Variants in THADA observed in about 807,000 individuals in gnomAD.
THADA encodes the protein tRNA (32-2'-O)-methyltransferase regulator THADA.
A neutral mutation model predicts 219.8 loss-of-function variants in THADA; 213 were observed. That is an observed-to-expected ratio of 0.97 (90% confidence interval 0.87 to 1.09). THADA has a LOEUF of 1.09. Among genes scored for constraint, THADA ranks in the 50% least tolerant of loss-of-function variants. THADA has a pLI of 0.00. For missense variants in THADA, 2,956 were observed against 2,311.3 expected, an observed-to-expected ratio of 1.28 and a Z score of -5.72; for synonymous variants, 1,018 against 828.9, an observed-to-expected ratio of 1.23 and a Z score of -3.92.
chr2:43,507,107 C>T (rs547625580), intron 23 of THADA, among the ~76,000 whole-genome samples: 54 of 152,202 alleles, frequency 3.5e-4, no homozygotes, highest in Admixed American at 9.2e-4. Context: ...AGGAATATAA[C>T]TTTATTAGTA....
At chr2:43,312,236 T>C (rs1301758904) in intron 31 of THADA, among the ~76,000 whole-genome samples, 1 of 150,246 alleles carries the variant, frequency 6.7e-6, no homozygotes, top group Non-Finnish European at 1.5e-5. Flanking sequence ...AAATCACAGA[T>C]GTTCTGAGAC....
intron 29 of THADA, among the ~76,000 whole-genome samples, chr2:43,393,120 A>T (rs1331538927): frequency 6.6e-6 from 1 of 152,160 alleles, no homozygotes; most frequent in East Asian, 1.9e-4. Context: ...TAAATGGAAG[A>T]CCAAAGAGAA....
chr2:43,436,739 G>A (rs1680167010), intron 26 of THADA, among the ~76,000 whole-genome samples: 1 of 152,204 alleles, frequency 6.6e-6, no homozygotes, highest in South Asian at 2.1e-4. Context: ...TTTACCAGCT[G>A]ATTGTTCAAT....
At chr2:43,561,443 T>G (rs2103944000) in intron 15 of THADA, among the ~76,000 whole-genome samples, 1 of 152,350 alleles carries the variant, frequency 6.6e-6, no homozygotes, top group South Asian at 2.1e-4. Context: ...TGGTAATCAC[T>G]GACTCCACTT....
chr2:43,296,690 T>C (rs970473936), intron 31 of THADA, among the ~76,000 whole-genome samples: 1 of 152,188 alleles, frequency 6.6e-6, no homozygotes, highest in African/African-American at 2.4e-5. Flanking sequence ...CTAATAATAA[T>C]AAGAGCACAG....
At chr2:43,552,075 T>A in intron 18 of THADA, 129 bp downstream of exon 18, 1 of 1,519,892 alleles carries the variant, frequency 6.6e-7, no homozygotes, top group Non-Finnish European at 8.8e-7. Context: ...ACGTATGTTT[T>A]TAAATCTGAT....
chr2:43,553,473 C>T (rs909360599), intron 17 of THADA, among the ~76,000 whole-genome samples: 4 of 152,206 alleles, frequency 2.6e-5, no homozygotes, highest in Non-Finnish European at 5.9e-5. Context: ...TGTGAGCACA[C>T]AGCAACATGG....
rs113474710 is a variant in THADA at position 43,485,864 on chromosome 2, CA to C, written c.3745-540del. 4.0e-3 allele frequency among the ~76,000 whole-genome samples: 538 copies of C among 134,160 alleles called. 2 individuals carry two copies. The highest frequency in any genetic ancestry group is 0.011 in the South Asian group (48 of 4,210). The allele number at this position is 134,160 out of a possible 152,430, so 88.0% of individuals were successfully genotyped here. A position where few individuals can be genotyped will look rare whatever the true frequency, so the allele number is the denominator to read the frequency against. On this transcript the variant is annotated intron_variant, in intron 25 of 37. Coordinates refer to ENST00000405975, the MANE Select transcript of THADA (RefSeq NM_022065.5). Reference sequence around the variant, plus strand: ...GGGCAATACAGTAAGACCCCCATCTCAAAAAAAAAAAAAAGTATTTTTTTAG... The same window carrying C: ...GGGCAATACAGTAAGACCCCCATCTCAAAAAAAAAAAAAGTATTTTTTTAG...
At chr2:43,577,381 A>C in intron 9 of THADA, 139 bp from the exon 10 acceptor site, 2 of 682,584 alleles carry the variant, frequency 2.9e-6, no homozygotes, top group Non-Finnish European at 4.9e-6. Flanking sequence ...ATACCCACAA[A>C]TGTCATGATT....
In THADA at chr2:43,586,397, T is replaced by A; in HGVS notation, c.533+4A>T. On this transcript the variant is annotated splice_donor_region_variant and intron_variant, in intron 7 of 37. Transcript: ENST00000405975. ...ACACACAAATGCCAACATATAGCAC[T>A]TGCCTATTTTCTTCCAGGATTTCAA... The A allele has an allele frequency of 6.3e-7, 1 of 1,582,694 alleles. No homozygotes were observed. The highest frequency in any genetic ancestry group is 1.8e-5 in the Admixed American group (1 of 54,618).
chr2:43,319,662 G>A (rs976519007), intron 31 of THADA, among the ~76,000 whole-genome samples: 3 of 152,120 alleles, frequency 2.0e-5, no homozygotes, highest in African/African-American at 7.2e-5. Context: ...GGAAAGGCCT[G>A]GTCTGCTTGC....
Position 43,440,863 on chromosome 2 carries a change from G to A in THADA, c.3837-10561C>T, listed in dbSNP as rs185730087. ...ACCACTCTGAGAAAAGGGCAGTGGA[G>A]CTACTATTCTAGGATTAAAGTCATT... is the stretch of plus-strand genomic sequence containing the variant. On this transcript the variant is annotated intron_variant, in intron 26 of 37. Coordinates refer to ENST00000405975, the MANE Select transcript of THADA (RefSeq NM_022065.5). Among the ~76,000 whole-genome samples, 633 of 152,304 alleles carry A rather than the reference G, an allele frequency of 4.2e-3. 6 individuals carry two copies. The highest frequency in any genetic ancestry group is 6.7e-3 in the Non-Finnish European group (455 of 68,020).
chr2:43,521,803 A>G (rs941392751), intron 22 of THADA, among the ~76,000 whole-genome samples: 5 of 152,248 alleles, frequency 3.3e-5, no homozygotes, highest in African/African-American at 7.2e-5. Context: ...GCAGACTAAA[A>G]TCAAATTACA....
Position 43,590,964 on chromosome 2 carries a change from A to C in THADA, c.172-10T>G, listed in dbSNP as rs1284169855. On this transcript the variant is annotated splice_polypyrimidine_tract_variant and intron_variant, in intron 3 of 37. Coordinates refer to ENST00000405975, the MANE Select transcript of THADA (RefSeq NM_022065.5). ...CCAGCAGAGGCACAATCTATAATAC[A>C]AAACATTGAAGTAATTTTTATAATA... is the stretch of plus-strand genomic sequence containing the variant. 3.7e-6 allele frequency: 6 copies of C among 1,603,978 alleles called. No individual in the cohort carries two copies. Among genetic ancestry groups the C allele is most frequent in the Non-Finnish European group, 4.3e-6 (5 of 1,176,090 alleles).
At chr2:43,521,200 G>A (rs1172993892) in intron 22 of THADA, among the ~76,000 whole-genome samples, 2 of 151,710 alleles carry the variant, frequency 1.3e-5, no homozygotes, top group African/African-American at 4.8e-5. Flanking sequence ...AGGAAAGAGG[G>A]AAGGAAAGAG....
intron 31 of THADA, among the ~76,000 whole-genome samples, chr2:43,319,440 CCT>C (rs2104459104): frequency 6.6e-6 from 1 of 152,264 alleles, no homozygotes. Context: ...GTTCTTATTA[CCT>C]CTGCATGGCC....
At chr2:43,496,336 T>A (rs148815408) in intron 25 of THADA, among the ~76,000 whole-genome samples, 4 of 152,326 alleles carry the variant, frequency 2.6e-5, no homozygotes, top group African/African-American at 9.6e-5. Context: ...AATCCAACAA[T>A]TGTACTGGGT....
intron 17 of THADA, among the ~76,000 whole-genome samples, chr2:43,553,737 A>T (rs1009724721): frequency 2.6e-5 from 4 of 152,154 alleles, no homozygotes; most frequent in African/African-American, 9.7e-5. Flanking sequence ...TCCCACCAAC[A>T]GTCTATGCGG....
chr2:43,379,945 T>G (rs1671802096), intron 29 of THADA, among the ~76,000 whole-genome samples: 1 of 152,220 alleles, frequency 6.6e-6, no homozygotes, highest in South Asian at 2.1e-4. Context: ...GTTACACATA[T>G]TTTGTGATTT....
Sources: gnomAD v4.1 joint callset for allele counts (sites outside exome capture counted in the v4.1 genomes callset) on GRCh38, gnomAD v4.1.1 for gene constraint, MANE v1.5 for transcripts, NCBI Gene and HGNC (gene_info 2026-07-23, HGNC 2026-07-21) for gene names.